The following ZFYVE28 variants were observed in gnomAD, a reference collection of about 807,000 sequenced individuals.
The protein encoded by ZFYVE28 is lateral signaling target protein 2 homolog.
In ZFYVE28, 40 loss-of-function variants were observed where a neutral mutation model predicts 82.1. That is an observed-to-expected ratio of 0.49 (90% CI 0.38 to 0.63). The LOEUF is 0.63. ZFYVE28 is among the 30% of genes least tolerant of loss of function. The pLI is 0.00. For missense variants in ZFYVE28, 1,321 were observed against 1,242.1 expected (o/e 1.06, Z -0.96); for synonymous variants, 612 against 546.1 (o/e 1.12, Z -1.68).
chr4:2,339,756 C>T lies in ZFYVE28; in HGVS notation c.319-101G>A, dbSNP rs1262110962. The T allele has an allele frequency of 3.7e-6, 4 of 1,068,380 alleles. No individual in the cohort carries two copies. The allele number at this position is 1,068,380 out of a possible 1,614,324, so 66.2% of individuals were successfully genotyped here. A position where few individuals can be genotyped will look rare whatever the true frequency, so the allele number is the denominator to read the frequency against. Reference sequence around the variant, plus strand: ...GACTGCGCACCTCGGGGCCCCTCTTCTCACCCCACAGCACAGGCCAGCTCG... The same window carrying T: ...GACTGCGCACCTCGGGGCCCCTCTTTTCACCCCACAGCACAGGCCAGCTCG... On this transcript the variant is annotated intron_variant, in intron 3 of 12. Transcript: ENST00000290974. This position sits in a 1 kb window ranked among gnomAD's most constrained non-coding sequence, Gnocchi z 5.0.
intron 1 of ZFYVE28, among the ~76,000 whole-genome samples, chr4:2,357,299 G>A (rs1229738616): frequency 1.3e-5 from 2 of 152,150 alleles, no homozygotes; most frequent in African/African-American, 4.8e-5. Flanking sequence ...GCTCACCTGG[G>A]CCCGGGACCT....
intron 1 of ZFYVE28, among the ~76,000 whole-genome samples, chr4:2,398,958 GT>G (rs1730810297): frequency 7.1e-6 from 1 of 141,660 alleles, no homozygotes; most frequent in Non-Finnish European, 1.5e-5. Flanking sequence ...CACAAGGGGG[GT>G]GTGAGATCCA....
chr4:2,369,850 C>CTTTTTTTTTTTTTTTTTTTTTTTTTTT (rs1408650676), intron 1 of ZFYVE28, among the ~76,000 whole-genome samples: 2 of 61,032 alleles, frequency 3.3e-5, no homozygotes, highest in Non-Finnish European at 6.5e-5. Context: ...TTTTTCTTTT[C>CTTTTTTTTTTTTTTTTTTTTTTTTTTT]TTTTTTTTTT....
chr4:2,380,226 G>A (rs139168487), intron 1 of ZFYVE28, among the ~76,000 whole-genome samples: 1 of 152,164 alleles, frequency 6.6e-6, no homozygotes, highest in Non-Finnish European at 1.5e-5. Flanking sequence ...GGGGTTTTCT[G>A]ACTAGCTGTT....
intron 6 of ZFYVE28, among the ~76,000 whole-genome samples, chr4:2,333,343 C>T (rs1206335999): frequency 1.3e-5 from 2 of 149,714 alleles, no homozygotes; most frequent in African/African-American, 4.9e-5. Flanking sequence ...CCCTTGCCTC[C>T]CAGGATGAAA....
chr4:2,278,051 G>T (rs1199945932), intron 8 of ZFYVE28, among the ~76,000 whole-genome samples: 1 of 152,122 alleles, frequency 6.6e-6, no homozygotes, highest in Admixed American at 6.5e-5. Flanking sequence ...CTCAGCAAGG[G>T]TGCCAAGACC....
At chr4:2,334,488 C>T (rs1040779695) in intron 6 of ZFYVE28, among the ~76,000 whole-genome samples, 11 of 151,976 alleles carry the variant, frequency 7.2e-5, no homozygotes, top group South Asian at 2.1e-4. Context: ...CCATTTCCCA[C>T]GGGAGGGGTA....
chr4:2,322,155 G>A (rs1166508641), intron 6 of ZFYVE28, among the ~76,000 whole-genome samples: 3 of 152,350 alleles, frequency 2.0e-5, no homozygotes, highest in Admixed American at 1.3e-4. Context: ...GAGAAGGCCC[G>A]TGGGACAGGA....
In ZFYVE28 at chr4:2,332,452, C is replaced by T. The variant is rs1720860501; in HGVS notation, c.701+3253G>A. Among the ~76,000 whole-genome samples, 1 of 152,182 alleles carries T rather than the reference C, an allele frequency of 6.6e-6. No homozygotes were observed. Among genetic ancestry groups the T allele is most frequent in the Non-Finnish European group, 1.5e-5 (1 of 68,010 alleles). On this transcript the variant is annotated intron_variant, in intron 6 of 12. Transcript: ENST00000290974. The surrounding 1 kb of genome is among the most constrained non-coding windows in gnomAD (Gnocchi z 4.7). ...GCCGGCTGCCCTGGGGAGCCTCTCC[C>T]TCACGCCTTCAGCTCCTGTCCACCC...
At chr4:2,326,157 C>G (rs1238766263) in intron 6 of ZFYVE28, among the ~76,000 whole-genome samples, 1 of 152,154 alleles carries the variant, frequency 6.6e-6, no homozygotes, top group Non-Finnish European at 1.5e-5. Flanking sequence ...AGTCTTTCCC[C>G]TATGTTTTCT....
chr4:2,312,044 A>T lies in ZFYVE28; in HGVS notation c.804-6508T>A, dbSNP rs575176507. Among the ~76,000 whole-genome samples the T allele has an allele frequency of 1.1e-3, 169 of 152,358 alleles. No homozygotes were observed. In the Middle Eastern group the frequency reaches 0.017, roughly 15 times the overall value. On this transcript the variant is annotated intron_variant, in intron 7 of 12. Coordinates refer to ENST00000290974, the MANE Select transcript of ZFYVE28 (RefSeq NM_020972.3). ...AGATAATTGGAATCAATACAAAAAGAAACAGCCAAGTGTGGTGGCTCACAC... is the reference window on the plus strand; with the variant it reads ...AGATAATTGGAATCAATACAAAAAGTAACAGCCAAGTGTGGTGGCTCACAC...
Position 2,335,901 on chromosome 4 carries a change from G to A in ZFYVE28, c.612-107C>T, listed in dbSNP as rs754586481. 5.7e-5 allele frequency: 51 copies of A among 887,290 alleles called. No individual in the cohort carries two copies. Among genetic ancestry groups the A allele is most frequent in the Middle Eastern group, 4.5e-4 (2 of 4,452 alleles). 55.0% of individuals were successfully genotyped at this position (887,290 alleles called of 1,614,324 possible). ...GCGCTCAATCTGTACCTGCAGCCAC[G>A]CGTGGTGGCCACGTCAAGAGGTGAC... is the stretch of plus-strand genomic sequence containing the variant. On this transcript the variant is annotated intron_variant, in intron 5 of 12. Coordinates refer to ENST00000290974, the MANE Select transcript of ZFYVE28 (RefSeq NM_020972.3). This position sits in a 1 kb window ranked among gnomAD's most constrained non-coding sequence, Gnocchi z 5.8.
chr4:2,345,439 CTGCA>C (rs895502817), intron 2 of ZFYVE28, among the ~76,000 whole-genome samples: 5 of 151,838 alleles, frequency 3.3e-5, no homozygotes, highest in Non-Finnish European at 7.4e-5. Flanking sequence ...AAAAAATATA[CTGCA>C]TGAGATTAAC....
Position 2,416,153 on chromosome 4 carries a change from G to A in ZFYVE28, c.39+2132C>T, listed in dbSNP as rs1350980053. Reference sequence around the variant, plus strand: ...CTGCCTGGAAAGGCAGCTGCCTGCTGAAGAGGAAAAGTTGGGAACGCAATT... The same window carrying A: ...CTGCCTGGAAAGGCAGCTGCCTGCTAAAGAGGAAAAGTTGGGAACGCAATT... On this transcript the variant is annotated intron_variant, in intron 1 of 12. Coordinates refer to ENST00000290974, the MANE Select transcript of ZFYVE28 (RefSeq NM_020972.3). This position sits in a 1 kb window ranked among gnomAD's most constrained non-coding sequence, Gnocchi z 4.6. Among the ~76,000 whole-genome samples the A allele has an allele frequency of 6.6e-6, 1 of 152,240 alleles. No homozygotes were observed. Among genetic ancestry groups the A allele is most frequent in the Admixed American group, 6.5e-5 (1 of 15,286 alleles).
Position 2,418,402 on chromosome 4 carries a change from G to A in ZFYVE28, c.-79C>T. 8.9e-7 allele frequency: 1 copy of A among 1,123,450 alleles called. No homozygotes were observed. The allele number at this position is 1,123,450 out of a possible 1,614,324, so 69.6% of individuals were successfully genotyped here. On this transcript the variant is annotated 5_prime_UTR_variant, in exon 1 of 13. Coordinates refer to ENST00000290974, the MANE Select transcript of ZFYVE28 (RefSeq NM_020972.3). The surrounding 1 kb of genome is among the most constrained non-coding windows in gnomAD (Gnocchi z 4.6). ...CGCCCGGGCCCGGCTGAGGCGCGGGGCGGACGCGGAGGCACGGCCGGAGCC... is the reference window on the plus strand; with the variant it reads ...CGCCCGGGCCCGGCTGAGGCGCGGGACGGACGCGGAGGCACGGCCGGAGCC...
At chr4:2,307,027 C>CA (rs1294865366) in intron 7 of ZFYVE28, 2 of 152,328 alleles carry the variant, frequency 1.3e-5, no homozygotes. Flanking sequence ...CACACCTGCC[C>CA]ACAGCTTGGC....
chr4:2,379,707 A>G (rs186449861), intron 1 of ZFYVE28, among the ~76,000 whole-genome samples: 13 of 152,280 alleles, frequency 8.5e-5, no homozygotes, highest in Non-Finnish European at 1.9e-4. Context: ...GTCCTTACTG[A>G]TCATCTATCA....
intron 10 of ZFYVE28, 113 bp downstream of exon 10, chr4:2,273,060 C>G: frequency 1.2e-6 from 1 of 856,430 alleles, no homozygotes; most frequent in Non-Finnish European, 1.9e-6. Flanking sequence ...ATTGCTTGGT[C>G]GGGACCCTAT....
chr4:2,354,539 A>G (rs1578220734), intron 1 of ZFYVE28, among the ~76,000 whole-genome samples: 2 of 148,472 alleles, frequency 1.3e-5, no homozygotes, highest in Admixed American at 6.7e-5. Context: ...ACTCACTGCA[A>G]CCTCCGCCTC....
Sources: allele counts gnomAD v4.1 joint callset (sites outside exome capture counted in the v4.1 genomes callset), GRCh38; gene constraint gnomAD v4.1.1; non-coding constraint Gnocchi (gnomAD v3.1); transcripts MANE v1.5; gene names NCBI Gene and HGNC (gene_info 2026-07-23, HGNC 2026-07-21).